Variants in PCED1B observed in about 807,000 individuals in gnomAD.
The protein encoded by PCED1B is PC-esterase domain containing 1B.
For missense variants in PCED1B, 573 were observed against 573.9 expected, an observed-to-expected ratio of 1.00 and a Z score of 0.02; for synonymous variants, 251 against 246.1, an observed-to-expected ratio of 1.02 and a Z score of -0.19.
intron 2 of PCED1B, among the ~76,000 whole-genome samples, chr12:47,115,103 G>T (rs1015817029): frequency 6.6e-6 from 1 of 152,176 alleles, no homozygotes; most frequent in East Asian, 1.9e-4. Context: ...CCTGGACACA[G>T]GTTATCAATA....
At chr12:47,091,192 T>C (rs1181720066) in intron 1 of PCED1B, among the ~76,000 whole-genome samples, 1 of 152,182 alleles carries the variant, frequency 6.6e-6, no homozygotes, top group Non-Finnish European at 1.5e-5. Context: ...CACGTCCTTG[T>C]CAACACTTAT....
At chr12:47,101,773 C>A (rs999605715) in intron 1 of PCED1B, among the ~76,000 whole-genome samples, 7 of 151,958 alleles carry the variant, frequency 4.6e-5, no homozygotes, top group African/African-American at 1.5e-4. Context: ...AGGGAGAAAC[C>A]CCTTCTCAAC....
intron 3 of PCED1B, among the ~76,000 whole-genome samples, chr12:47,219,746 G>T (rs1425487065): frequency 6.6e-6 from 1 of 152,110 alleles, no homozygotes; most frequent in Non-Finnish European, 1.5e-5. Context: ...TTTCAACAGA[G>T]AATAACAAGG....
At chr12:47,227,683 G>A (rs1462557721) in intron 3 of PCED1B, among the ~76,000 whole-genome samples, 1 of 151,750 alleles carries the variant, frequency 6.6e-6, no homozygotes, top group African/African-American at 2.4e-5. Context: ...GTGAAACCCC[G>A]TCTCTACTAA....
At chr12:47,135,947 TC>T in intron 2 of PCED1B, 2 of 84,266 alleles carry the variant, frequency 2.4e-5, no homozygotes, top group South Asian at 2.7e-4. Flanking sequence ...GGGATGGTTC[TC>T]CAAAAAAAAA....
chr12:47,105,017 C>T (rs560424261), intron 2 of PCED1B, among the ~76,000 whole-genome samples: 21 of 152,260 alleles, frequency 1.4e-4, no homozygotes, highest in South Asian at 4.1e-4. Flanking sequence ...ACGCTCATGC[C>T]GACTAAAAAT....
rs1943959196 is a variant in PCED1B, at chr12:47,235,738, G to T, written c.675G>T (p.Leu225=). Reference sequence around the variant, plus strand: ...ACTTCCGCCACGCGAGGGAGAACCTGCACTGGGACGGGGTGCACTGGAATG... The same window carrying T: ...ACTTCCGCCACGCGAGGGAGAACCTTCACTGGGACGGGGTGCACTGGAATG... ...HFHFRHAREN[L]HWDGVHWNGR... The change falls in exon 4 of 4, where the codon CTG becomes CTT. Residue 225 remains leucine (L), a synonymous_variant. Coordinates refer to ENST00000546455, the MANE Select transcript of PCED1B (RefSeq NM_138371.3). The T allele has an allele frequency of 6.2e-7, 1 of 1,606,842 alleles. No individual in the cohort carries two copies. The highest frequency in any genetic ancestry group is 8.5e-7 in the Non-Finnish European group (1 of 1,176,866).
At chr12:47,209,542 ACT>A (rs1189040590) in intron 2 of PCED1B, 2 of 152,218 alleles carry the variant, frequency 1.3e-5, no homozygotes, top group Non-Finnish European at 2.9e-5. Context: ...ATTAAAGTAG[ACT>A]CTCAATAAAT....
chr12:47,223,666 T>A (rs1441343846), intron 3 of PCED1B: 1 of 152,232 alleles, frequency 6.6e-6, no homozygotes, highest in Non-Finnish European at 1.5e-5. Flanking sequence ...GCTTTACGCC[T>A]AAGGAGGTAC....
chr12:47,202,594 T>TAAAAAAAAAAAAAAAAAAAAAA (rs60769675), intron 2 of PCED1B, among the ~76,000 whole-genome samples: 4 of 66,676 alleles, frequency 6.0e-5, no homozygotes, highest in East Asian at 3.3e-4. Context: ...TAGACATTAG[T>TAAAAAAAAAAAAAAAAAAAAAA]AAAAAAAAAA....
intron 2 of PCED1B, among the ~76,000 whole-genome samples, chr12:47,166,955 G>T (rs1565578302): frequency 6.6e-6 from 1 of 152,150 alleles, no homozygotes; most frequent in African/African-American, 2.4e-5. Flanking sequence ...GCAGCCAGAT[G>T]GTTAAGGCTT....
At chr12:47,113,987 ATTTATT>A (rs1939315178) in intron 2 of PCED1B, among the ~76,000 whole-genome samples, 1 of 149,752 alleles carries the variant, frequency 6.7e-6, no homozygotes, top group Admixed American at 6.7e-5. Flanking sequence ...CACACACATA[ATTTATT>A]TAGAGGTACA....
chr12:47,227,012 G>A (rs1201477392), intron 3 of PCED1B, among the ~76,000 whole-genome samples: 1 of 152,020 alleles, frequency 6.6e-6, no homozygotes, highest in Non-Finnish European at 1.5e-5. Flanking sequence ...TATTTTTAAT[G>A]CTTGGTCTCT....
intron 2 of PCED1B, among the ~76,000 whole-genome samples, chr12:47,185,732 T>G (rs1942236062): frequency 6.6e-6 from 1 of 150,516 alleles, no homozygotes; most frequent in Non-Finnish European, 1.5e-5. Context: ...GAGGTTGCAG[T>G]GAGCTGAAAT....
intron 3 of PCED1B, among the ~76,000 whole-genome samples, chr12:47,218,970 G>A (rs558243345): frequency 4.6e-5 from 7 of 151,908 alleles, no homozygotes; most frequent in South Asian, 4.2e-4. Flanking sequence ...GTGAAACTCC[G>A]CCTCTACTAA....
intron 2 of PCED1B, chr12:47,135,845 G>A: frequency 4.3e-6 from 2 of 461,268 alleles, no homozygotes; most frequent in East Asian, 6.0e-5. Flanking sequence ...GCATCTCATG[G>A]TTGGTGGAGC....
At chr12:47,092,175 G>A (rs191582367) in intron 1 of PCED1B, among the ~76,000 whole-genome samples, 37 of 152,040 alleles carry the variant, frequency 2.4e-4, no homozygotes, top group African/African-American at 8.4e-4. Flanking sequence ...TTATAATGAT[G>A]CATATACTTC....
chr12:47,177,295 A>C (rs1425831201), intron 2 of PCED1B, among the ~76,000 whole-genome samples: 1 of 152,240 alleles, frequency 6.6e-6, no homozygotes, highest in African/African-American at 2.4e-5. Context: ...GAGGGAAAGT[A>C]TGTTGTGTGT....
intron 2 of PCED1B, among the ~76,000 whole-genome samples, chr12:47,156,887 C>T (rs918522042): frequency 1.3e-5 from 2 of 152,092 alleles, no homozygotes. Flanking sequence ...CTCTCTAAGC[C>T]TCAGCTTCCC....
Sources: allele counts gnomAD v4.1 joint callset (sites outside exome capture counted in the v4.1 genomes callset), GRCh38; gene constraint gnomAD v4.1.1; transcripts MANE v1.5; gene names NCBI Gene and HGNC (gene_info 2026-07-23, HGNC 2026-07-21).